Variants in SHISA9 observed in about 807,000 individuals in gnomAD.
The protein encoded by SHISA9 is protein shisa-9.
Under a neutral mutation model 38.0 loss-of-function variants are expected in SHISA9, and 13 were observed. The observed-to-expected ratio is 0.34, with a 90% CI of 0.22 to 0.54. The LOEUF is 0.54. SHISA9 is among the 20% of genes least tolerant of loss of function. SHISA9 has a pLI of 0.91. For synonymous variants in SHISA9, 275 were observed against 242.0 expected (o/e 1.14, Z -1.27); for missense variants, 538 against 575.8 (o/e 0.93, Z 0.67).
the SHISA9 span, among the ~76,000 whole-genome samples, chr16:13,270,952 G>A: frequency 6.6e-6 from 1 of 152,066 alleles, no homozygotes; most frequent in Non-Finnish European, 1.5e-5. Flanking sequence ...TCCTAGAGAG[G>A]GAGTTAGCTC....
the SHISA9 span, among the ~76,000 whole-genome samples, chr16:13,272,429 T>C: frequency 3.9e-5 from 6 of 152,174 alleles, no homozygotes; most frequent in East Asian, 1.2e-3. Flanking sequence ...AGTCTCGCTA[T>C]GTTACCCAGG....
intron 4 of SHISA9, among the ~76,000 whole-genome samples, chr16:13,222,769 C>T (rs2051239602): frequency 6.6e-6 from 1 of 151,726 alleles, no homozygotes; most frequent in Middle Eastern, 3.4e-3. Context: ...TTCTACACTG[C>T]ACTCCACAAG....
At chr16:12,974,972 A>C (rs1343146070) in intron 2 of SHISA9, among the ~76,000 whole-genome samples, 1 of 152,144 alleles carries the variant, frequency 6.6e-6, no homozygotes, top group Non-Finnish European at 1.5e-5. Flanking sequence ...GAGCCAGCTG[A>C]GATTCCAGCA....
chr16:13,246,946 G>A, the SHISA9 span, among the ~76,000 whole-genome samples: 1 of 150,654 alleles, frequency 6.6e-6, no homozygotes, highest in African/African-American at 2.4e-5. Context: ...ACCCTAGACT[G>A]GATAATTTGT....
chr16:13,044,039 C>T (rs2073160953), intron 2 of SHISA9, among the ~76,000 whole-genome samples: 1 of 152,142 alleles, frequency 6.6e-6, no homozygotes, highest in Admixed American at 6.5e-5. Flanking sequence ...GTTTGTGGTC[C>T]CCCAGTTAGA....
chr16:13,451,399 C>G, the SHISA9 span, among the ~76,000 whole-genome samples: 1 of 152,220 alleles, frequency 6.6e-6, no homozygotes, highest in Non-Finnish European at 1.5e-5. Context: ...ATCTATGCAA[C>G]CTGCTCCCTA....
the SHISA9 span, among the ~76,000 whole-genome samples, chr16:13,328,191 C>G: frequency 1.3e-5 from 2 of 152,130 alleles, no homozygotes; most frequent in Non-Finnish European, 2.9e-5. Context: ...CCCCTGTGCA[C>G]TTCTACAGAA....
At chr16:13,415,778 ATT>A in the SHISA9 span, among the ~76,000 whole-genome samples, 122 of 150,310 alleles carry the variant, frequency 8.1e-4, no homozygotes, top group Middle Eastern at 3.4e-3. Context: ...TAAAGATTTG[ATT>A]TAATTGAAAA....
the SHISA9 span, among the ~76,000 whole-genome samples, chr16:13,275,462 A>G: frequency 7.9e-5 from 12 of 152,154 alleles, no homozygotes; most frequent in South Asian, 2.5e-3. Flanking sequence ...TTGTGATTAT[A>G]ATATATTATC....
the SHISA9 span, among the ~76,000 whole-genome samples, chr16:13,408,947 G>A: frequency 2.0e-5 from 3 of 152,184 alleles, no homozygotes; most frequent in Non-Finnish European, 4.4e-5. Context: ...GGCCTTAAGA[G>A]AGAACAGGTA....
intron 2 of SHISA9, among the ~76,000 whole-genome samples, chr16:12,956,900 T>C (rs1410490498): frequency 1.3e-5 from 2 of 152,190 alleles, no homozygotes; most frequent in South Asian, 4.1e-4. Flanking sequence ...CAGTTTTAGA[T>C]ATATATGAAA....
At chr16:13,067,245 C>G (rs1176844828) in intron 2 of SHISA9, among the ~76,000 whole-genome samples, 2 of 152,204 alleles carry the variant, frequency 1.3e-5, no homozygotes, top group African/African-American at 2.4e-5. Flanking sequence ...ACAGTGGAAT[C>G]TCTTACAGAT....
At chr16:13,356,521 G>A in the SHISA9 span, among the ~76,000 whole-genome samples, 1 of 152,140 alleles carries the variant, frequency 6.6e-6, no homozygotes, top group Non-Finnish European at 1.5e-5. Context: ...GAAACGGTAA[G>A]CCAGACCAGG....
At chr16:12,959,399 A>G (rs1302063613) in intron 2 of SHISA9, among the ~76,000 whole-genome samples, 1 of 152,206 alleles carries the variant, frequency 6.6e-6, no homozygotes, top group East Asian at 1.9e-4. Flanking sequence ...GGGTATCCAC[A>G]TCAGCAGAGG....
intron 2 of SHISA9, among the ~76,000 whole-genome samples, chr16:13,007,439 C>G (rs2072612805): frequency 6.6e-6 from 1 of 152,156 alleles, no homozygotes; most frequent in Non-Finnish European, 1.5e-5. Flanking sequence ...CACAAGTGTT[C>G]TTTATTTCTT....
chr16:13,262,717 G>GAAGGAAAGA, the SHISA9 span, among the ~76,000 whole-genome samples: 1 of 149,996 alleles, frequency 6.7e-6, no homozygotes, highest in South Asian at 2.1e-4. Context: ...AGGAAAGAAG[G>GAAGGAAAGA]AAGAGGCAGG....
intron 2 of SHISA9, among the ~76,000 whole-genome samples, chr16:12,962,330 C>T (rs898531612): frequency 1.3e-5 from 2 of 152,212 alleles, no homozygotes; most frequent in Non-Finnish European, 2.9e-5. Flanking sequence ...TCTGGGTTTT[C>T]TGAGCTTCCT....
chr16:13,045,276 C>A (rs1035040533), intron 2 of SHISA9, among the ~76,000 whole-genome samples: 12 of 152,116 alleles, frequency 7.9e-5, no homozygotes, highest in Non-Finnish European at 1.3e-4. Context: ...CATTGAATGC[C>A]TACTATGAGG....
chr16:13,127,402 G>A (rs537424029), intron 2 of SHISA9, among the ~76,000 whole-genome samples: 31 of 147,764 alleles, frequency 2.1e-4, no homozygotes, highest in African/African-American at 7.7e-4. Context: ...GAGGAAGAGA[G>A]AGAAGGAGAC....
Sources: gnomAD v4.1 joint callset for allele counts (sites outside exome capture counted in the v4.1 genomes callset) on GRCh38, gnomAD v4.1.1 for gene constraint, MANE v1.5 for transcripts, NCBI Gene and HGNC (gene_info 2026-07-23, HGNC 2026-07-21) for gene names.